Variants in NPIPB15 observed in about 807,000 individuals in gnomAD.
The protein encoded by NPIPB15 is nuclear pore complex-interacting protein family member B15.
A neutral mutation model predicts 35.9 loss-of-function variants in NPIPB15; 5 were observed. The ratio of observed to expected loss-of-function variants is 0.14; its 90% CI spans 0.07 to 0.29. The LOEUF is 0.29. Ranked by LOEUF, NPIPB15 falls within the 10% of genes least tolerant of loss-of-function variation. NPIPB15 has a pLI of 1.00. For missense variants in NPIPB15, 100 were observed against 506.1 expected (o/e 0.20, Z 7.70); for synonymous variants, 43 against 182.0 (o/e 0.24, Z 6.15).
At chr16:74,378,252 G>A (rs2011787142) in intron 2 of NPIPB15, among the ~76,000 whole-genome samples, 1 of 151,678 alleles carries the variant, frequency 6.6e-6, no homozygotes, top group South Asian at 2.1e-4. Context: ...GCCTGGTGGT[G>A]CGTACCTGTT....
intron 2 of NPIPB15, among the ~76,000 whole-genome samples, chr16:74,378,342 C>T (rs1441893154): frequency 6.7e-6 from 1 of 149,428 alleles, no homozygotes; most frequent in Non-Finnish European, 1.5e-5. Flanking sequence ...GAGATGGCCC[C>T]GCTGCACTCT....
At chr16:74,379,689 A>C (rs1268230264) in intron 2 of NPIPB15, among the ~76,000 whole-genome samples, 100 of 151,946 alleles carry the variant, frequency 6.6e-4, no homozygotes, top group Admixed American at 2.3e-3. Context: ...TCCTGGGTTC[A>C]AGTGATTCTT....
At chr16:74,388,673 T>C (rs2012400306) in intron 5 of NPIPB15, 1 of 959,136 alleles carries the variant, frequency 1.0e-6, no homozygotes, top group Non-Finnish European at 1.2e-6. Context: ...CATGGACTGG[T>C]GGATCATGTG....
intron 3 of NPIPB15, among the ~76,000 whole-genome samples, chr16:74,385,001 G>A (rs1267171952): frequency 5.6e-5 from 2 of 35,942 alleles, no homozygotes; most frequent in African/African-American, 1.1e-4. Context: ...TTGTGTGTGT[G>A]TGTGTGTGTG....
Position 74,390,037 on chromosome 16 carries a change from T to A in NPIPB15, c.642+7T>A. On this transcript the variant is annotated splice_region_variant and intron_variant, in intron 7 of 7. Transcript: ENST00000692376. ...AAAGCCTCTTTGCAACTGGGTAAGT[T>A]TGCTTGTTTTCCTTGCTTTTGAACA... 2 of 1,597,390 alleles carry A rather than the reference T, an allele frequency of 1.3e-6. No homozygotes were observed. Among genetic ancestry groups the A allele is most frequent in the Admixed American group, 3.3e-5 (2 of 59,884 alleles).
intron 2 of NPIPB15, among the ~76,000 whole-genome samples, chr16:74,381,148 C>CAAAA (rs1166274271): frequency 0.026 from 1,831 of 69,534 alleles, 13 homozygotes; most frequent in African/African-American, 0.049. Context: ...ACTCTGTCTC[C>CAAAA]AAAAAAAAAA....
chr16:74,383,855 G>T (rs1474907079), intron 3 of NPIPB15, among the ~76,000 whole-genome samples: 13 of 152,000 alleles, frequency 8.6e-5, no homozygotes, highest in Non-Finnish European at 1.6e-4. Flanking sequence ...GGTGGAGGTT[G>T]CCGTGAGCCA....
At position 74,381,708 on chromosome 16, in the gene NPIPB15, C is replaced by T. The variant is rs755320080; in HGVS notation, c.249+10C>T. 3.7e-5 allele frequency: 59 copies of T among 1,589,730 alleles called. No homozygotes were observed. The Middle Eastern group carries it at 2.2e-3, about 58-fold the overall frequency. ...CACAAGTTACCTTTGTGTGAGTATA[C>T]TAACTTTCTGTAGAGGTATACTTGT... is the stretch of plus-strand genomic sequence containing the variant. On this transcript the variant is annotated intron_variant, in intron 3 of 7. Transcript: ENST00000692376.
chr16:74,384,668 ATTT>A (rs1186582416), intron 3 of NPIPB15, among the ~76,000 whole-genome samples: 27 of 61,564 alleles, frequency 4.4e-4, no homozygotes, highest in African/African-American at 1.4e-3. Context: ...CACCTGGCCT[ATTT>A]TTTTTTTTTT....
chr16:74,383,527 AC>A, intron 3 of NPIPB15, among the ~76,000 whole-genome samples: 1 of 137,322 alleles, frequency 7.3e-6, no homozygotes, highest in Admixed American at 8.1e-5. Context: ...TTTTTAGATT[AC>A]CCATTGCTTC....
rs1437845742 is a variant in NPIPB15, at chr16:74,376,990, C to A, written c.-379C>A. Among the ~76,000 whole-genome samples the A allele has an allele frequency of 1.2e-4, 18 of 144,710 alleles. No homozygotes were observed. The highest frequency in any genetic ancestry group is 3.7e-4 in the Admixed American group (5 of 13,478). 94.9% of individuals were successfully genotyped at this position (144,710 alleles called of 152,430 possible). A position where few individuals can be genotyped will look rare whatever the true frequency, so the allele number is the denominator to read the frequency against. ...TCAAATATATTGAGATTTGCTGGAA[C>A]AAAATAAGTCAGGTTAATTTTTGTA... is the stretch of plus-strand genomic sequence containing the variant. On this transcript the variant is annotated 5_prime_UTR_variant, in exon 1 of 8. Transcript: ENST00000692376.
At chr16:74,379,585 ATTTTTTTT>A (rs547124371) in intron 2 of NPIPB15, among the ~76,000 whole-genome samples, 6 of 124,526 alleles carry the variant, frequency 4.8e-5, no homozygotes, top group Admixed American at 8.7e-5. Context: ...CACCTTGGTA[ATTTTTTTT>A]TTTTTTTTTT....
chr16:74,378,462 T>C (rs1428592392), intron 2 of NPIPB15, among the ~76,000 whole-genome samples: 3 of 133,628 alleles, frequency 2.2e-5, no homozygotes, highest in Non-Finnish European at 4.7e-5. Flanking sequence ...AGTCTCACTC[T>C]GTCGCCCAGG....
chr16:74,379,201 A>G (rs1157223312), intron 2 of NPIPB15, among the ~76,000 whole-genome samples: 1 of 152,216 alleles, frequency 6.6e-6, no homozygotes, highest in Non-Finnish European at 1.5e-5. Context: ...AATTTCGCGT[A>G]TACAGATGCA....
At chr16:74,377,586 C>A (rs537974807) in intron 1 of NPIPB15, among the ~76,000 whole-genome samples, 1 of 152,076 alleles carries the variant, frequency 6.6e-6, no homozygotes, top group Non-Finnish European at 1.5e-5. Context: ...TGCTCCTAAG[C>A]CTCACGCTCC....
chr16:74,379,236 T>C (rs2011850738), intron 2 of NPIPB15, among the ~76,000 whole-genome samples: 1 of 152,212 alleles, frequency 6.6e-6, no homozygotes, highest in Non-Finnish European at 1.5e-5. Flanking sequence ...TACTCTTTTG[T>C]GTCTGCTTTA....
chr16:74,377,556 C>T (rs1177696958), intron 1 of NPIPB15, among the ~76,000 whole-genome samples: 28 of 152,096 alleles, frequency 1.8e-4, no homozygotes, highest in African/African-American at 6.5e-4. Context: ...GATAGCAGAA[C>T]CTTTTTGTCT....
intron 1 of NPIPB15, among the ~76,000 whole-genome samples, chr16:74,377,720 T>G (rs2011735055): frequency 6.8e-6 from 1 of 147,302 alleles, no homozygotes; most frequent in Non-Finnish European, 1.5e-5. Flanking sequence ...CTCCTCCTCC[T>G]CCTCCTCCAC....
At chr16:74,388,181 C>CG (rs1459547967) in intron 5 of NPIPB15, 1 of 744,402 alleles carries the variant, frequency 1.3e-6, no homozygotes, top group African/African-American at 2.0e-5. Flanking sequence ...TAGTGAACTG[C>CG]GGGGTTAATG....
Sources: allele counts gnomAD v4.1 joint callset (sites outside exome capture counted in the v4.1 genomes callset), GRCh38; gene constraint gnomAD v4.1.1; transcripts MANE v1.5; gene names NCBI Gene and HGNC (gene_info 2026-07-23, HGNC 2026-07-21).